B4GALNT3: variants seen among roughly 807,000 people sequenced by gnomAD.
The protein encoded by B4GALNT3 is beta-1,4-N-acetylgalactosaminyltransferase 3.
Under a neutral mutation model 120.2 loss-of-function variants are expected in B4GALNT3, and 86 were observed. The observed-to-expected ratio is 0.72, with a 90% CI of 0.60 to 0.86. The LOEUF (loss-of-function observed/expected upper bound fraction) is 0.86. Ranked by LOEUF, B4GALNT3 falls within the 40% of genes least tolerant of loss-of-function variation. B4GALNT3 has a pLI of 0.00. For synonymous variants in B4GALNT3, 518 were observed against 510.4 expected (o/e 1.01, Z -0.20); for missense variants, 1,167 against 1,298.9 (o/e 0.90, Z 1.56).
chr12:479,952 C>G (rs56261536), intron 1 of B4GALNT3, among the ~76,000 whole-genome samples: 11,036 of 132,466 alleles, frequency 0.083, 878 homozygotes, highest in African/African-American at 0.23. Context: ...CTCGCTCTGT[C>G]GCCCAGGCTG....
At chr12:518,148 C>T (rs1219618728) in intron 1 of B4GALNT3, among the ~76,000 whole-genome samples, 3 of 152,134 alleles carry the variant, frequency 2.0e-5, no homozygotes, top group Non-Finnish European at 4.4e-5. Flanking sequence ...AACAACTGGG[C>T]TTTAAGATAT....
In B4GALNT3 at chr12:558,658, G is replaced by A. The variant is rs764226659; in HGVS notation, c.2758G>A (p.Glu920Lys). Residue 920 changes from glutamate to lysine, a missense_variant, in exon 18 of 20, where the codon GAG becomes AAG. This residue lies in a region of B4GALNT3 where 983 missense variants were observed against 1,102.5 expected (regional missense o/e 0.89). Coordinates refer to ENST00000266383, the MANE Select transcript of B4GALNT3 (RefSeq NM_173593.4). ...LHCGATPQWP[E>K]GYWEVNGFGL... ...TTGTGGGGCCACCCCCCAGTGGCCT[G>A]AGGGTGAGCCCTGCTCAGACTGGGG... The A allele has an allele frequency of 8.1e-6, 13 of 1,613,880 alleles. No individual in the cohort carries two copies. In the Admixed American group the frequency reaches 2.0e-4, roughly 25 times the overall value.
intron 11 of B4GALNT3, among the ~76,000 whole-genome samples, chr12:551,337 A>G (rs1407858898): frequency 6.6e-6 from 1 of 152,222 alleles, no homozygotes; most frequent in African/African-American, 2.4e-5. Flanking sequence ...CCCTGCTCCA[A>G]GGGCCACACA....
intron 1 of B4GALNT3, among the ~76,000 whole-genome samples, chr12:515,944 T>C (rs1946649699): frequency 6.6e-6 from 1 of 151,978 alleles, no homozygotes; most frequent in South Asian, 2.1e-4. Context: ...GAGACCATCC[T>C]GGCTAACGTG....
In B4GALNT3 at chr12:550,926, T is replaced by G; in HGVS notation, c.1002T>G (p.Pro334=). ...PDPRDTLYRV[P]LIPKSHLRHV... ...CTCCTCCTCCACTGTCCTCAGTGCC[T>G]CTGATCCCCAAGTCGCATCTCCGCC... The change falls in exon 11 of 20, where the codon CCT becomes CCG. Residue 334 remains proline, a synonymous_variant. Transcript: ENST00000266383. This position sits in a 1 kb window ranked among gnomAD's most constrained non-coding sequence, Gnocchi z 4.1. 5.6e-6 allele frequency: 9 copies of G among 1,611,884 alleles called. No homozygotes were observed. Among genetic ancestry groups the G allele is most frequent in the Non-Finnish European group, 7.6e-6 (9 of 1,177,938 alleles).
At chr12:461,568 C>G (rs1946022890) in intron 1 of B4GALNT3, among the ~76,000 whole-genome samples, 1 of 152,230 alleles carries the variant, frequency 6.6e-6, no homozygotes, top group Non-Finnish European at 1.5e-5. Context: ...GTTCAAAGTT[C>G]TGGCACGTGG....
chr12:550,995 T>C lies in B4GALNT3; in HGVS notation c.1071T>C (p.Asp357=). The change falls in exon 11 of 20, where the codon GAT becomes GAC. Residue 357 remains aspartate, a synonymous_variant. Transcript: ENST00000266383. This position sits in a 1 kb window ranked among gnomAD's most constrained non-coding sequence, Gnocchi z 4.1. The part of the protein sequence containing the change: ...DCPYKPSYLV[D]GLPLQRYQGL... ...CCTACAAACCCAGCTATCTGGTGGA[T>C]GGGCTTCCTCTGCAGCGCTACCAGG... The C allele has an allele frequency of 6.2e-7, 1 of 1,614,044 alleles. No homozygotes were observed. Among genetic ancestry groups the C allele is most frequent in the African/African-American group, 1.3e-5 (1 of 75,056 alleles).
Position 512,944 on chromosome 12 carries a change from C to CACCTTCCACCTTCCACT in B4GALNT3, c.170-22222_170-22221insACCTTCCACCTTCCACT, listed in dbSNP as rs1555155309. ...CTGCCTTCCACCTTCCACCTTCCAC[C>CACCTTCCACCTTCCACT]TTCTTCCACCTTCCACCTTCCACTT... is the stretch of plus-strand genomic sequence containing the variant. On this transcript the variant is annotated intron_variant, in intron 1 of 19. Coordinates refer to ENST00000266383, the MANE Select transcript of B4GALNT3 (RefSeq NM_173593.4). 4.1e-3 allele frequency among the ~76,000 whole-genome samples: 533 copies of CACCTTCCACCTTCCACT among 131,366 alleles called. 6 individuals carry two copies. Among genetic ancestry groups the CACCTTCCACCTTCCACT allele is most frequent in the South Asian group, 0.012 (44 of 3,678 alleles). The allele number at this position is 131,366 out of a possible 152,430, so 86.2% of individuals were successfully genotyped here.
At chr12:521,561 A>G (rs1724064492) in intron 1 of B4GALNT3, among the ~76,000 whole-genome samples, 1 of 152,150 alleles carries the variant, frequency 6.6e-6, no homozygotes, top group African/African-American at 2.4e-5. Flanking sequence ...GGAAGAAACT[A>G]CAGTGAAGGA....
intron 1 of B4GALNT3, among the ~76,000 whole-genome samples, chr12:498,692 C>T (rs1182965197): frequency 6.6e-6 from 1 of 152,148 alleles, no homozygotes; most frequent in East Asian, 1.9e-4. Flanking sequence ...TGGTGGAAGA[C>T]CTGGAAGACG....
chr12:496,128 T>C (rs866751814), intron 1 of B4GALNT3, among the ~76,000 whole-genome samples: 8 of 152,244 alleles, frequency 5.3e-5, no homozygotes, highest in Non-Finnish European at 8.8e-5. Context: ...TCCAGGATCA[T>C]GGCAGAAAAA....
At chr12:511,509 A>G (rs1325521385) in intron 1 of B4GALNT3, among the ~76,000 whole-genome samples, 1 of 71,680 alleles carries the variant, frequency 1.4e-5, no homozygotes. Context: ...TCCACCTTCC[A>G]CCTTCTTCCA....
intron 1 of B4GALNT3, among the ~76,000 whole-genome samples, chr12:511,571 G>A (rs12319002): frequency 1.9e-4 from 7 of 37,206 alleles, no homozygotes; most frequent in African/African-American, 6.1e-4. Context: ...TTCCGCCTTC[G>A]ACCTTCTTCC....
intron 19 of B4GALNT3, 77 bp downstream of exon 19, chr12:559,498 C>T (rs952587398): frequency 6.3e-7 from 1 of 1,580,862 alleles, no homozygotes; most frequent in African/African-American, 1.3e-5. Flanking sequence ...GCTACAGCAG[C>T]CTAGCTGTCC....
intron 1 of B4GALNT3, among the ~76,000 whole-genome samples, chr12:524,286 TACA>T (rs1946740796): frequency 6.6e-6 from 1 of 152,230 alleles, no homozygotes; most frequent in Admixed American, 6.5e-5. Flanking sequence ...AAGGACAGGT[TACA>T]ACAACCTCAG....
chr12:558,657 T>C lies in B4GALNT3; in HGVS notation c.2757T>C (p.Pro919=), dbSNP rs147011425. 9.5e-4 allele frequency: 1,541 copies of C among 1,613,850 alleles called. 1 individual carries two copies. Among genetic ancestry groups the C allele is most frequent in the Admixed American group, 1.3e-3 (80 of 60,018 alleles). Residue 919 remains proline (P), a synonymous_variant, in exon 18 of 20, where the codon CCT becomes CCC. Coordinates refer to ENST00000266383, the MANE Select transcript of B4GALNT3 (RefSeq NM_173593.4). ...RLHCGATPQW[P]EGYWEVNGFG... ...ATTGTGGGGCCACCCCCCAGTGGCC[T>C]GAGGGTGAGCCCTGCTCAGACTGGG...
chr12:512,642 CCTTCCACCTTCCACCTT>C (rs1946600419), intron 1 of B4GALNT3, among the ~76,000 whole-genome samples: 1 of 130,926 alleles, frequency 7.6e-6, no homozygotes, highest in Non-Finnish European at 1.7e-5. Flanking sequence ...CCGCCTTCCA[CCTTCCACCTTCCACCTT>C]CTTCCACCTT....
Position 550,947 on chromosome 12 carries a change from C to G in B4GALNT3, c.1023C>G (p.Leu341=). ...YRVPLIPKSH[L]RHVLPDCPYK... is the part of the protein sequence containing the mutation. ...TGCCTCTGATCCCCAAGTCGCATCT[C>G]CGCCACGTCCTGCCTGACTGTCCCT... The change falls in exon 11 of 20, where the codon CTC becomes CTG. Residue 341 remains leucine (L), a synonymous_variant. Transcript: ENST00000266383. The surrounding 1 kb of genome is among the most constrained non-coding windows in gnomAD (Gnocchi z 4.1). 1 of 1,614,048 alleles carries G rather than the reference C, an allele frequency of 6.2e-7. No homozygotes were observed. The highest frequency in any genetic ancestry group is 8.5e-7 in the Non-Finnish European group (1 of 1,179,862).
In B4GALNT3 at chr12:508,365, G is replaced by A. The variant is rs528570039; in HGVS notation, c.170-26801G>A. Among the ~76,000 whole-genome samples, 7 of 152,244 alleles carry A rather than the reference G, an allele frequency of 4.6e-5. No homozygotes were observed. In the South Asian group the frequency reaches 8.3e-4, roughly 18 times the overall value. On this transcript the variant is annotated intron_variant, in intron 1 of 19. Transcript: ENST00000266383. ...TGCAATCATGGCTTACTGCAGCTTC[G>A]AACTCCCAGGCTTGAGCAATCTTCC...
Sources: gnomAD v4.1 joint callset for allele counts (sites outside exome capture counted in the v4.1 genomes callset) on GRCh38, gnomAD v4.1.1 for gene constraint, gnomAD v4.1.1 regional missense constraint, Gnocchi (gnomAD v3.1) non-coding constraint, MANE v1.5 for transcripts, NCBI Gene and HGNC (gene_info 2026-07-23, HGNC 2026-07-21) for gene names.